P3H4: variants seen among roughly 807,000 people sequenced by gnomAD.
P3H4 encodes the protein prolyl 3-hydroxylase family member 4 (inactive).
P3H4 carries 47 observed loss-of-function variants against 52.9 expected under a neutral mutation model. The observed-to-expected ratio is 0.89, with a 90% CI of 0.70 to 1.13. P3H4 has a LOEUF of 1.13. P3H4 is among the 50% of genes most tolerant of loss of function. The pLI is 0.00. For synonymous variants in P3H4, 256 were observed against 267.9 expected (o/e 0.96, Z 0.44); for missense variants, 585 against 611.0 (o/e 0.96, Z 0.45).
intron 7 of P3H4, 47 bp downstream of exon 7, chr17:41,803,240 T>G: frequency 6.3e-7 from 1 of 1,585,746 alleles, no homozygotes; most frequent in Non-Finnish European, 8.6e-7. Flanking sequence ...GTCCCCAACC[T>G]CCATCCCAGG....
At chr17:41,808,215 T>C (rs1436697702) in intron 4 of P3H4, among the ~76,000 whole-genome samples, 3 of 152,106 alleles carry the variant, frequency 2.0e-5, no homozygotes, top group South Asian at 2.1e-4. Context: ...TCACTGTTAT[T>C]GTCTTTTTAT....
rs2047692462 is a variant in P3H4, at chr17:41,807,998, T to G, written c.923A>C (p.Asp308Ala). ...YLQFAYYKLNDVRQAARSAAS... is the reference protein window; with the variant it reads ...YLQFAYYKLNAVRQAARSAAS... ...GGCGCTGCGGGCAGCCTGGCGCACA[T>G]CATTCACTGCAGCAGGACAGGGGTG... Residue 308 changes from aspartate (D) to alanine (A), a missense_variant, in exon 5 of 8, where the codon GAT becomes GCT. Asp to Ala is a moderately radical substitution (Grantham distance 126). Coordinates refer to ENST00000393928, the MANE Select transcript of P3H4 (RefSeq NM_006455.3). 6.2e-7 allele frequency: 1 copy of G among 1,613,274 alleles called. No individual in the cohort carries two copies. The highest frequency in any genetic ancestry group is 8.5e-7 in the Non-Finnish European group (1 of 1,179,638).
chr17:41,811,787 A>G lies in P3H4; in HGVS notation c.129T>C (p.Ala43=), dbSNP rs1325127134. ...LMPLAAAYGH[A]LEQYEGESWR... ...AGCTCTCTCCCTCGTACTGCTCCAG[A>G]GCGTGCCCGTACGCCGCGGCCAGCG... Residue 43 remains alanine (A), a synonymous_variant, in exon 1 of 8, where the codon GCT becomes GCC. Transcript: ENST00000393928. The surrounding 1 kb of genome is among the most constrained non-coding windows in gnomAD (Gnocchi z 4.8). 13 of 1,537,170 alleles carry G rather than the reference A, an allele frequency of 8.5e-6. 1 individual carries two copies. The highest frequency in any genetic ancestry group is 1.9e-5 in the Admixed American group (1 of 51,686).
At position 41,810,886 on chromosome 17, in the gene P3H4, T is replaced by G; in HGVS notation, c.764A>C (p.Lys255Thr). ...ACCTGCTATGGCCGGGTAGAAGTCC[T>G]TGAAGTCCACCTGCTCATGGGCCCC... ...CEGAHEQVDF[K>T]DFYPAIADLF... Residue 255 changes from lysine to threonine, a missense_variant, in exon 3 of 8, where the codon AAG becomes ACG. Physicochemically the swap from Lys to Thr is moderately conservative, Grantham distance 78 (BLOSUM62 -1). Coordinates refer to ENST00000393928, the MANE Select transcript of P3H4 (RefSeq NM_006455.3). The G allele has an allele frequency of 6.2e-7, 1 of 1,613,942 alleles. No individual in the cohort carries two copies. The highest frequency in any genetic ancestry group is 8.5e-7 in the Non-Finnish European group (1 of 1,179,896).
chr17:41,803,882 G>GCCC (rs2047644483), intron 6 of P3H4, among the ~76,000 whole-genome samples: 2 of 152,058 alleles, frequency 1.3e-5, no homozygotes, highest in African/African-American at 4.8e-5. Context: ...GCCGTGTGCT[G>GCCC]CCCTCTCCAG....
chr17:41,811,301 G>C lies in P3H4; in HGVS notation c.463-17C>G, dbSNP rs988726105. Reference sequence around the variant, plus strand: ...CCGGTTAGCCTGGTCGGGGGGTAGGGGGTGGGGGAGCGGGTCAGCAAGACC... The same window carrying C: ...CCGGTTAGCCTGGTCGGGGGGTAGGCGGTGGGGGAGCGGGTCAGCAAGACC... On this transcript the variant is annotated splice_polypyrimidine_tract_variant and intron_variant, in intron 1 of 7. Coordinates refer to ENST00000393928, the MANE Select transcript of P3H4 (RefSeq NM_006455.3). The surrounding 1 kb of genome is among the most constrained non-coding windows in gnomAD (Gnocchi z 4.8). The C allele has an allele frequency of 6.2e-7, 1 of 1,611,470 alleles. No homozygotes were observed. Among genetic ancestry groups the C allele is most frequent in the African/African-American group, 1.3e-5 (1 of 74,942 alleles).
In P3H4 at chr17:41,802,277, G is replaced by GTT. The variant is rs35539556; in HGVS notation, c.*678_*679dup. The GTT allele has an allele frequency of 0.035, 4,727 of 134,754 alleles. 287 individuals are homozygous for GTT. Among genetic ancestry groups the GTT allele is most frequent in the African/African-American group, 0.11 (3,923 of 35,592 alleles). 8.3% of individuals were successfully genotyped at this position (134,754 alleles called of 1,614,324 possible). ...GTCCAGTCAGCTGTGTCCATCTTAAGTTTTTTTTTTTTTTTTTGAGATGGA... is the reference window on the plus strand; with the variant it reads ...GTCCAGTCAGCTGTGTCCATCTTAAGTTTTTTTTTTTTTTTTTTTGAGATGGA... On this transcript the variant is annotated 3_prime_UTR_variant, in exon 8 of 8. Transcript: ENST00000393928.
At chr17:41,804,134 G>A (rs558996322) in intron 6 of P3H4, among the ~76,000 whole-genome samples, 118 of 152,016 alleles carry the variant, frequency 7.8e-4, no homozygotes, top group African/African-American at 2.1e-3. Flanking sequence ...TGCATTTTTA[G>A]TAGAGACCGG....
At position 41,811,938 on chromosome 17, in the gene P3H4, C is replaced by G. The variant is rs535614666; in HGVS notation, c.-23G>C. 1.5e-5 allele frequency: 23 copies of G among 1,490,502 alleles called. No homozygotes were observed. The South Asian group carries it at 2.5e-4, about 16-fold the overall frequency. 92.3% of individuals were successfully genotyped at this position (1,490,502 alleles called of 1,614,324 possible). On this transcript the variant is annotated 5_prime_UTR_variant, in exon 1 of 8. Coordinates refer to ENST00000393928, the MANE Select transcript of P3H4 (RefSeq NM_006455.3). The surrounding 1 kb of genome is among the most constrained non-coding windows in gnomAD (Gnocchi z 4.8). Reference sequence around the variant, plus strand: ...CATGCCCGCCGCGCCGCCGGCTCTCCGGAGCTGAGCTGGCTGCCCCGCGGA... The same window carrying G: ...CATGCCCGCCGCGCCGCCGGCTCTCGGGAGCTGAGCTGGCTGCCCCGCGGA...
At chr17:41,803,124 A>T (rs1334823487) in intron 7 of P3H4, 145 bp from the exon 8 acceptor site, 1 of 1,407,158 alleles carries the variant, frequency 7.1e-7, no homozygotes, top group African/African-American at 1.4e-5. Context: ...CTGCACCACC[A>T]CCCCCAAGCG....
In P3H4 at chr17:41,802,577, A is replaced by C; in HGVS notation, c.*380T>G. On this transcript the variant is annotated 3_prime_UTR_variant, in exon 8 of 8. Coordinates refer to ENST00000393928, the MANE Select transcript of P3H4 (RefSeq NM_006455.3). Reference sequence around the variant, plus strand: ...CCGTCTTGTTTTTTTTTAAAGATGGAGTCTCGCTCTGTCGCCCAGGCTGGA... The same window carrying C: ...CCGTCTTGTTTTTTTTTAAAGATGGCGTCTCGCTCTGTCGCCCAGGCTGGA... 4.9e-6 allele frequency: 1 copy of C among 202,590 alleles called. No homozygotes were observed. The highest frequency in any genetic ancestry group is 9.5e-6 in the Non-Finnish European group (1 of 104,784). 12.5% of individuals were successfully genotyped at this position (202,590 alleles called of 1,614,324 possible).
At chr17:41,810,840 A>G (rs901231964) in intron 3 of P3H4, 23 bp downstream of exon 3, 1 of 1,601,200 alleles carries the variant, frequency 6.2e-7, no homozygotes. Flanking sequence ...AGGACCGCCC[A>G]CCGTGGTCTG....
rs977407414 is a variant in P3H4 at position 41,803,927 on chromosome 17, G to A, written c.1147-496C>T. Among the ~76,000 whole-genome samples the A allele has an allele frequency of 5.3e-5, 8 of 151,838 alleles. No individual in the cohort carries two copies. The East Asian group carries it at 9.7e-4, about 18-fold the overall frequency. On this transcript the variant is annotated intron_variant, in intron 6 of 7. Transcript: ENST00000393928. ...GTGCTTCCCCCACTAGACTGTGAGCGGCACGTGAAAGGGACCATGACTTCC... is the reference window on the plus strand; with the variant it reads ...GTGCTTCCCCCACTAGACTGTGAGCAGCACGTGAAAGGGACCATGACTTCC...
rs781891071 is a variant in P3H4 at position 41,811,544 on chromosome 17, G to C, written c.372C>G (p.Pro124=). The C allele has an allele frequency of 3.1e-6, 5 of 1,610,086 alleles. No homozygotes were observed. The highest frequency in any genetic ancestry group is 2.2e-5 in the East Asian group (1 of 44,700). Residue 124 remains proline (P), a synonymous_variant, in exon 1 of 8, where the codon CCC becomes CCG. Coordinates refer to ENST00000393928, the MANE Select transcript of P3H4 (RefSeq NM_006455.3). The surrounding 1 kb of genome is among the most constrained non-coding windows in gnomAD (Gnocchi z 4.8). ...ACLRRCKRTL[P]AFQVPYPPRQ... is the part of the protein sequence containing the mutation. ...GCGGCGGGTAGGGCACCTGGAAGGC[G>C]GGCAGCGTCCGCTTGCAGCGCCGCA...
intron 6 of P3H4, among the ~76,000 whole-genome samples, 192 bp downstream of exon 6, chr17:41,806,604 A>G (rs2047676204): frequency 6.6e-6 from 1 of 152,226 alleles, no homozygotes; most frequent in Non-Finnish European, 1.5e-5. Flanking sequence ...TGAGACATGT[A>G]CAAAAGGAGG....
Position 41,809,722 on chromosome 17 carries a change from C to T in P3H4, c.900G>A (p.Gln300=). Residue 300 remains glutamine (Q), a synonymous_variant, in exon 4 of 8, where the codon CAG becomes CAA. Coordinates refer to ENST00000393928, the MANE Select transcript of P3H4 (RefSeq NM_006455.3). The stretch of plus-strand genomic sequence containing the variant: ...GGGGCTCACACTTATAGTAGGCAAA[C>T]TGCAGGTAGTGGTACATGGTGGCCA... The part of the protein sequence containing the change: ...KFVATMYHYL[Q]FAYYKLNDVR... 6.2e-7 allele frequency: 1 copy of T among 1,613,426 alleles called. No homozygotes were observed. The highest frequency in any genetic ancestry group is 1.7e-5 in the Admixed American group (1 of 60,000).
At chr17:41,803,160 G>A in intron 7 of P3H4, 127 bp downstream of exon 7, 2 of 1,456,786 alleles carry the variant, frequency 1.4e-6, no homozygotes, top group African/African-American at 2.8e-5. Context: ...ACAGGCTGGA[G>A]GCCCCTGGAG....
Position 41,811,491 on chromosome 17 carries a change from C to T in P3H4, c.425G>A (p.Arg142His), listed in dbSNP as rs1555615142. Residue 142 changes from arginine (R) to histidine (H), a missense_variant, in exon 1 of 8, where the codon CGC (arginine) becomes CAC (histidine). Physicochemically the swap from Arg to His is conservative, Grantham distance 29. Transcript: ENST00000393928. The surrounding 1 kb of genome is among the most constrained non-coding windows in gnomAD (Gnocchi z 4.8). Reference sequence around the variant, plus strand: ...GTAGTGCAGGTACTGGTAGGGCAGGCGGCTCTGGAAGTCACGCAGCAGCTG... The same window carrying T: ...GTAGTGCAGGTACTGGTAGGGCAGGTGGCTCTGGAAGTCACGCAGCAGCTG... ...PRQLLRDFQSRLPYQYLHYAL... is the reference protein window; with the variant it reads ...PRQLLRDFQSHLPYQYLHYAL... 1.2e-6 allele frequency: 2 copies of T among 1,611,922 alleles called. No individual in the cohort carries two copies.
At chr17:41,810,242 G>C (rs1247515875) in intron 3 of P3H4, among the ~76,000 whole-genome samples, 1 of 146,780 alleles carries the variant, frequency 6.8e-6, no homozygotes, top group Non-Finnish European at 1.5e-5. Context: ...GGCGCGATCT[G>C]GGCTCAATGC....
Sources: allele counts gnomAD v4.1 joint callset (sites outside exome capture counted in the v4.1 genomes callset), GRCh38; gene constraint gnomAD v4.1.1; non-coding constraint Gnocchi (gnomAD v3.1); transcripts MANE v1.5; gene names NCBI Gene and HGNC (gene_info 2026-07-23, HGNC 2026-07-21).